The following GTSE1 variants were observed in gnomAD, a reference collection of about 807,000 sequenced individuals.
The protein encoded by GTSE1 is G2 and S phase-expressed protein 1.
A neutral mutation model predicts 60.5 loss-of-function variants in GTSE1; 52 were observed. The ratio of observed to expected loss-of-function variants is 0.86; its 90% confidence interval spans 0.69 to 1.08. GTSE1 has a LOEUF of 1.08. GTSE1 is among the 50% of genes least tolerant of loss of function. The pLI, the probability that GTSE1 is intolerant of heterozygous loss-of-function variation, is 0.00. For synonymous variants in GTSE1, 368 were observed against 386.5 expected, an observed-to-expected ratio of 0.95 and a Z score of 0.56; for missense variants, 937 against 961.8, an observed-to-expected ratio of 0.97 and a Z score of 0.34.
At chr22:46,325,190 GCTGA>G (rs1421301938) in intron 8 of GTSE1, among the ~76,000 whole-genome samples, 1 of 151,940 alleles carries the variant, frequency 6.6e-6, no homozygotes, top group African/African-American at 2.4e-5. Flanking sequence ...TTTCTTTTAT[GCTGA>G]TTTATTTATT....
Position 46,304,689 on chromosome 22 carries a change from T to G in GTSE1, c.80-3461T>G, listed in dbSNP as rs1452697116. ...TTGCTGGTATTCTTGTTAAAGAGTT[T>G]GATGTTAGGCCAGGTGTGGTAGCTC... is the stretch of plus-strand genomic sequence containing the variant. On this transcript the variant is annotated intron_variant, in intron 2 of 11. Coordinates refer to ENST00000454366, the MANE Select transcript of GTSE1 (RefSeq NM_016426.7). This position sits in a 1 kb window ranked among gnomAD's most constrained non-coding sequence, Gnocchi z 4.4. Among the ~76,000 whole-genome samples the G allele has an allele frequency of 6.6e-6, 1 of 152,176 alleles. No individual in the cohort carries two copies. The highest frequency in any genetic ancestry group is 1.5e-5 in the Non-Finnish European group (1 of 68,020).
At position 46,309,094 on chromosome 22, in the gene GTSE1, A is replaced by T; in HGVS notation, c.762+151A>T. The T allele has an allele frequency of 1.2e-6, 1 of 847,664 alleles. No individual in the cohort carries two copies. The highest frequency in any genetic ancestry group is 1.8e-6 in the Non-Finnish European group (1 of 563,822). The allele number at this position is 847,664 out of a possible 1,614,324, so 52.5% of individuals were successfully genotyped here. Reference sequence around the variant, plus strand: ...GCGGAGTCCAGGAAAAGCAGTTGCCAATAGGGAGCTGATGTGGGGGTGGCT... The same window carrying T: ...GCGGAGTCCAGGAAAAGCAGTTGCCTATAGGGAGCTGATGTGGGGGTGGCT... On this transcript the variant is annotated intron_variant, in intron 4 of 11. Transcript: ENST00000454366. This position sits in a 1 kb window ranked among gnomAD's most constrained non-coding sequence, Gnocchi z 6.2.
chr22:46,328,655 A>C (rs2077857576), intron 9 of GTSE1, 33 bp from the exon 10 acceptor site: 3 of 1,525,160 alleles, frequency 2.0e-6, no homozygotes, highest in Non-Finnish European at 2.7e-6. Context: ...CATTTTAGAG[A>C]CATTTTCTCA....
chr22:46,300,553 G>A (rs763223717), intron 2 of GTSE1, among the ~76,000 whole-genome samples: 3 of 152,090 alleles, frequency 2.0e-5, no homozygotes, highest in South Asian at 2.1e-4. Context: ...TCTCACACAC[G>A]CTTTGATATT....
rs1455378653 is a variant in GTSE1, at chr22:46,321,483, G to A, written c.1433-1707G>A. On this transcript the variant is annotated intron_variant, in intron 7 of 11. Transcript: ENST00000454366. This position sits in a 1 kb window ranked among gnomAD's most constrained non-coding sequence, Gnocchi z 4.0. ...GAGCATGTTTGACTCAGCTGTGTGC[G>A]AGCTGCGCGCCTCTCCAGTGCTGGG... Among the ~76,000 whole-genome samples, 1 of 152,222 alleles carries A rather than the reference G, an allele frequency of 6.6e-6. No homozygotes were observed. The highest frequency in any genetic ancestry group is 1.5e-5 in the Non-Finnish European group (1 of 68,044).
intron 2 of GTSE1, among the ~76,000 whole-genome samples, chr22:46,301,635 C>T (rs1320838953): frequency 2.0e-5 from 3 of 151,832 alleles, no homozygotes; most frequent in Admixed American, 6.6e-5. Context: ...TTACAGGCAC[C>T]TGCCACCAGG....
At chr22:46,328,638 G>C in intron 9 of GTSE1, 50 bp from the exon 10 acceptor site, 1 of 1,435,874 alleles carries the variant, frequency 7.0e-7, no homozygotes, top group Non-Finnish European at 9.8e-7. Flanking sequence ...TCAGCCAAGT[G>C]AACGAGCATT....
rs1209842723 is a variant in GTSE1, at chr22:46,304,531, G to A, written c.80-3619G>A. 6.6e-6 allele frequency among the ~76,000 whole-genome samples: 1 copy of A among 152,142 alleles called. No individual in the cohort carries two copies. Among genetic ancestry groups the A allele is most frequent in the Non-Finnish European group, 1.5e-5 (1 of 68,024 alleles). Reference sequence around the variant, plus strand: ...TTCAACATATGTGCAGACGATCATGGTTTTCTCTTTAGCTCTAGTAATAAA... The same window carrying A: ...TTCAACATATGTGCAGACGATCATGATTTTCTCTTTAGCTCTAGTAATAAA... On this transcript the variant is annotated intron_variant, in intron 2 of 11. Coordinates refer to ENST00000454366, the MANE Select transcript of GTSE1 (RefSeq NM_016426.7). The surrounding 1 kb of genome is among the most constrained non-coding windows in gnomAD (Gnocchi z 4.4).
At position 46,321,875 on chromosome 22, in the gene GTSE1, A is replaced by G. The variant is rs1027260685; in HGVS notation, c.1433-1315A>G. ...AATCACTTGAGGTCAGGAGTTCAAG[A>G]CCAGCCTGGCCAACATGGCAAAACC... On this transcript the variant is annotated intron_variant, in intron 7 of 11. Transcript: ENST00000454366. The surrounding 1 kb of genome is among the most constrained non-coding windows in gnomAD (Gnocchi z 4.0). Among the ~76,000 whole-genome samples the G allele has an allele frequency of 1.3e-5, 2 of 152,068 alleles. No individual in the cohort carries two copies. Among genetic ancestry groups the G allele is most frequent in the African/African-American group, 4.8e-5 (2 of 41,402 alleles).
rs1411259989 is a variant in GTSE1 at position 46,317,203 on chromosome 22, G to A, written c.1432+791G>A. Among the ~76,000 whole-genome samples the A allele has an allele frequency of 6.6e-6, 1 of 152,152 alleles. No individual in the cohort carries two copies. The highest frequency in any genetic ancestry group is 1.9e-4 in the East Asian group (1 of 5,198). On this transcript the variant is annotated intron_variant, in intron 7 of 11. Transcript: ENST00000454366. This position sits in a 1 kb window ranked among gnomAD's most constrained non-coding sequence, Gnocchi z 5.6. ...GCTGGTCTGGAACTCCTGACCTCAA[G>A]TGACCCACCCATCTCGGCCTCTCAA...
chr22:46,325,003 T>G (rs2077835629), intron 8 of GTSE1, among the ~76,000 whole-genome samples: 1 of 152,192 alleles, frequency 6.6e-6, no homozygotes, highest in African/African-American at 2.4e-5. Context: ...CTTTTTGGGC[T>G]ACTATAACAA....
At position 46,297,414 on chromosome 22, in the gene GTSE1, G is replaced by A; in HGVS notation, c.14G>A (p.Gly5Asp). 1 of 1,613,540 alleles carries A rather than the reference G, an allele frequency of 6.2e-7. No homozygotes were observed. The highest frequency in any genetic ancestry group is 8.5e-7 in the Non-Finnish European group (1 of 1,179,434). ...ACAGCTCTCTCCATGGAAGGAGGCGGCGGCCGCGATGAGCCTTCAGCCTGC... is the reference window on the plus strand; with the variant it reads ...ACAGCTCTCTCCATGGAAGGAGGCGACGGCCGCGATGAGCCTTCAGCCTGC... MEGG[G>D]GRDEPSACRA... Residue 5 changes from glycine to aspartate, a missense_variant, in exon 2 of 12, where the codon GGC (glycine) becomes GAC (aspartate). Gly to Asp is a moderately conservative substitution (Grantham distance 94). Transcript: ENST00000454366. The surrounding 1 kb of genome is among the most constrained non-coding windows in gnomAD (Gnocchi z 4.9).
At position 46,321,589 on chromosome 22, in the gene GTSE1, C is replaced by A. The variant is rs771122842; in HGVS notation, c.1433-1601C>A. Among the ~76,000 whole-genome samples, 7 of 152,086 alleles carry A rather than the reference C, an allele frequency of 4.6e-5. No homozygotes were observed. Among genetic ancestry groups the A allele is most frequent in the Non-Finnish European group, 7.4e-5 (5 of 68,010 alleles). The stretch of plus-strand genomic sequence containing the variant: ...GCAGATTCTTAACTCTTGTAACAAA[C>A]GGAGTTTCTGAAGAATGCGGAGGTA... On this transcript the variant is annotated intron_variant, in intron 7 of 11. Transcript: ENST00000454366. This position sits in a 1 kb window ranked among gnomAD's most constrained non-coding sequence, Gnocchi z 4.0.
rs1024899645 is a variant in GTSE1 at position 46,314,563 on chromosome 22, T to C, written c.1051+550T>C. On this transcript the variant is annotated intron_variant, in intron 6 of 11. Transcript: ENST00000454366. This position sits in a 1 kb window ranked among gnomAD's most constrained non-coding sequence, Gnocchi z 7.1. ...CTCGGGGTCGTTCAGGGCAGCATGG[T>C]GTGGATTGTGTTCACAAAATGTAAA... Among the ~76,000 whole-genome samples the C allele has an allele frequency of 6.6e-5, 10 of 151,640 alleles. No homozygotes were observed. Among genetic ancestry groups the C allele is most frequent in the African/African-American group, 2.4e-4 (10 of 41,242 alleles).
At chr22:46,303,926 C>T (rs900029604) in intron 2 of GTSE1, among the ~76,000 whole-genome samples, 5 of 152,134 alleles carry the variant, frequency 3.3e-5, no homozygotes, top group Non-Finnish European at 7.4e-5. Flanking sequence ...CAGTTGGGGT[C>T]CTGGAGTGAG....
chr22:46,329,271 C>A lies in GTSE1; in HGVS notation c.1927-87C>A. On this transcript the variant is annotated intron_variant, in intron 10 of 11. Transcript: ENST00000454366. The surrounding 1 kb of genome is among the most constrained non-coding windows in gnomAD (Gnocchi z 6.4). Reference sequence around the variant, plus strand: ...CTTGGCTTTCCAAACCGCCAGCCCACCTGGAACATGAGCAAAGCTCACATT... The same window carrying A: ...CTTGGCTTTCCAAACCGCCAGCCCAACTGGAACATGAGCAAAGCTCACATT... The A allele has an allele frequency of 8.7e-7, 1 of 1,149,690 alleles. No individual in the cohort carries two copies. Among genetic ancestry groups the A allele is most frequent in the Non-Finnish European group, 1.3e-6 (1 of 766,198 alleles). 71.2% of individuals were successfully genotyped at this position (1,149,690 alleles called of 1,614,324 possible). A position where few individuals can be genotyped will look rare whatever the true frequency, so the allele number is the denominator to read the frequency against.
Position 46,320,990 on chromosome 22 carries a change from C to G in GTSE1, c.1433-2200C>G, listed in dbSNP as rs958910444. Among the ~76,000 whole-genome samples the G allele has an allele frequency of 1.1e-4, 17 of 151,836 alleles. No individual in the cohort carries two copies. The highest frequency in any genetic ancestry group is 2.1e-4 in the Non-Finnish European group (14 of 67,970). ...GAGAGGACAACCGAGAGGAAGGGGTCTCGGGAGAGAGGGAGCCAACACGGG... is the reference window on the plus strand; with the variant it reads ...GAGAGGACAACCGAGAGGAAGGGGTGTCGGGAGAGAGGGAGCCAACACGGG... On this transcript the variant is annotated intron_variant, in intron 7 of 11. Coordinates refer to ENST00000454366, the MANE Select transcript of GTSE1 (RefSeq NM_016426.7). The surrounding 1 kb of genome is among the most constrained non-coding windows in gnomAD (Gnocchi z 7.1).
chr22:46,329,302 AAG>A lies in GTSE1; in HGVS notation c.1927-54_1927-53del. On this transcript the variant is annotated intron_variant, in intron 10 of 11. Coordinates refer to ENST00000454366, the MANE Select transcript of GTSE1 (RefSeq NM_016426.7). This position sits in a 1 kb window ranked among gnomAD's most constrained non-coding sequence, Gnocchi z 6.4. ...ACATGAGCAAAGCTCACATTCTCCC[AAG>A]ATGGTTGCCAGAAAGATGCTGGACT... 7.2e-7 allele frequency: 1 copy of A among 1,382,228 alleles called. No individual in the cohort carries two copies. The highest frequency in any genetic ancestry group is 1.8e-4 in the Middle Eastern group (1 of 5,600). 85.6% of individuals were successfully genotyped at this position (1,382,228 alleles called of 1,614,324 possible).
chr22:46,311,897 C>T (rs976731791), intron 4 of GTSE1, among the ~76,000 whole-genome samples: 1 of 152,274 alleles, frequency 6.6e-6, no homozygotes, highest in Non-Finnish European at 1.5e-5. Flanking sequence ...TATTAATGAT[C>T]TGTGTAGGTA....
Sources: allele counts gnomAD v4.1 joint callset (sites outside exome capture counted in the v4.1 genomes callset), GRCh38; gene constraint gnomAD v4.1.1; non-coding constraint Gnocchi (gnomAD v3.1); transcripts MANE v1.5; gene names NCBI Gene and HGNC (gene_info 2026-07-23, HGNC 2026-07-21).